The following TUSC3 variants were observed in gnomAD, a reference collection of about 807,000 sequenced individuals.
The protein encoded by TUSC3 is tumor suppressor candidate 3, also known as dolichyl-diphosphooligosaccharide--protein glycosyltransferase subunit TUSC3.
Under a neutral mutation model 44.8 loss-of-function variants are expected in TUSC3, and 45 were observed. The ratio of observed to expected loss-of-function variants is 1.00; its 90% CI spans 0.79 to 1.29. The LOEUF (loss-of-function observed/expected upper bound fraction) is 1.29, where lower values mean the gene tolerates loss of function less well. Among genes scored for constraint, TUSC3 ranks in the 50% most tolerant of loss-of-function variants. TUSC3 has a pLI of 0.00. For missense variants in TUSC3, 519 were observed against 437.9 expected, an observed-to-expected ratio of 1.19 and a Z score of -1.65; for synonymous variants, 212 against 152.9, an observed-to-expected ratio of 1.39 and a Z score of -2.85.
At chr8:15,756,481 T>A (rs1811933360) in intron 9 of TUSC3, among the ~76,000 whole-genome samples, 1 of 152,196 alleles carries the variant, frequency 6.6e-6, no homozygotes, top group South Asian at 2.1e-4. Flanking sequence ...TAGTACTTTG[T>A]CGCATTATGT....
chr8:15,482,042 C>A (rs150067746), intron 1 of TUSC3, among the ~76,000 whole-genome samples: 317 of 152,314 alleles, frequency 2.1e-3, no homozygotes, highest in Non-Finnish European at 3.6e-3. Context: ...TACTTGAAAT[C>A]ATTTGTTGTC....
At chr8:15,538,286 C>T (rs117717305), upstream of TUSC3, among the ~76,000 whole-genome samples, 6,980 of 152,298 alleles carry the variant, frequency 0.046, 220 homozygotes, top group Non-Finnish European at 0.068. Context: ...GCTTTCTGAA[C>T]ACTTCTGGTT....
chr8:15,435,475 A>T (rs28539765), intron 1 of TUSC3, among the ~76,000 whole-genome samples: 9,733 of 152,292 alleles, frequency 0.064, 534 homozygotes, highest in South Asian at 0.14. Context: ...AAAATATTTC[A>T]ATAACATTGA....
rs1053775797 is a variant in TUSC3 at position 15,673,791 on chromosome 8, C to A, written c.753C>A (p.Ile251=). ...AMTSGQMWNH[I]RGPPYAHKNP... ...CTTCTGGCCAGATGTGGAACCATATCCGTGGACCTCCATATGCTCATAAGA... is the reference window on the plus strand; with the variant it reads ...CTTCTGGCCAGATGTGGAACCATATACGTGGACCTCCATATGCTCATAAGA... Residue 251 remains isoleucine, a synonymous_variant, in exon 6 of 11, where the codon ATC becomes ATA. Coordinates refer to ENST00000503731, the MANE Select transcript of TUSC3 (RefSeq NM_006765.4). 6.2e-7 allele frequency: 1 copy of A among 1,612,788 alleles called. No homozygotes were observed.
chr8:15,435,405 A>T (rs1221626970), intron 1 of TUSC3, among the ~76,000 whole-genome samples: 3 of 152,172 alleles, frequency 2.0e-5, no homozygotes, highest in South Asian at 2.1e-4. Context: ...GGGCTTGAAA[A>T]TTTTTTTGAT....
At chr8:15,493,198 G>T (rs1238605354) in intron 2 of TUSC3, among the ~76,000 whole-genome samples, 1 of 152,104 alleles carries the variant, frequency 6.6e-6, no homozygotes, top group African/African-American at 2.4e-5. Context: ...TTCCACCCTG[G>T]TCTCTGATGT....
chr8:15,806,630 T>A, the TUSC3 span: 21 of 1,376,822 alleles, frequency 1.5e-5, no homozygotes, highest in Non-Finnish European at 1.8e-5. Flanking sequence ...TCTTTCAGTG[T>A]CATGGACTTC....
At chr8:15,630,668 T>C (rs1168130775) in intron 2 of TUSC3, among the ~76,000 whole-genome samples, 1 of 152,212 alleles carries the variant, frequency 6.6e-6, no homozygotes, top group Non-Finnish European at 1.5e-5. Context: ...TTCTGTAAAC[T>C]GTAATTGTGT....
chr8:15,513,812 T>A (rs1024469852), intron 2 of TUSC3, among the ~76,000 whole-genome samples: 4 of 152,180 alleles, frequency 2.6e-5, no homozygotes, highest in African/African-American at 7.2e-5. Flanking sequence ...TGCACTTATA[T>A]CTCACCAGAG....
chr8:15,475,070 C>T (rs1456835018), intron 1 of TUSC3, among the ~76,000 whole-genome samples: 1 of 152,030 alleles, frequency 6.6e-6, no homozygotes, highest in Non-Finnish European at 1.5e-5. Flanking sequence ...TTATAGGCGC[C>T]CCCTTTATAC....
intron 6 of TUSC3, among the ~76,000 whole-genome samples, chr8:15,705,879 C>G (rs936149429): frequency 1.3e-5 from 2 of 152,042 alleles, no homozygotes; most frequent in African/African-American, 4.8e-5. Context: ...ACTGTGCCGC[C>G]TTTCCTGCTA....
At chr8:15,835,960 A>T in the TUSC3 span, among the ~76,000 whole-genome samples, 1 of 152,106 alleles carries the variant, frequency 6.6e-6, no homozygotes, top group Non-Finnish European at 1.5e-5. Context: ...TAGTGTATGT[A>T]AGTTCCAAAC....
At chr8:15,438,398 G>A (rs1025998414) in intron 1 of TUSC3, among the ~76,000 whole-genome samples, 3 of 152,142 alleles carry the variant, frequency 2.0e-5, no homozygotes, top group African/African-American at 7.2e-5. Context: ...GCCCAGCCAG[G>A]GGTTGTTGTG....
At chr8:15,654,558 A>C (rs928065624) in intron 3 of TUSC3, among the ~76,000 whole-genome samples, 3 of 152,148 alleles carry the variant, frequency 2.0e-5, no homozygotes, top group African/African-American at 7.2e-5. Flanking sequence ...TCAGTCTTCT[A>C]ATGAACTTAT....
the TUSC3 span, among the ~76,000 whole-genome samples, chr8:15,787,561 CA>C: frequency 2.6e-5 from 4 of 152,212 alleles, no homozygotes; most frequent in African/African-American, 9.6e-5. Flanking sequence ...AGACCAGTAC[CA>C]GTGACTTCTG....
rs561711566 is a variant in TUSC3 at position 15,493,320 on chromosome 8, G to C, written n.189+9837G>C. ...CTGTTGCCCAGGCTAGAGTGCAGTG[G>C]CTCAATCATAGCTCACAGCAGGGTC... is the stretch of plus-strand genomic sequence containing the variant. On this transcript the variant is annotated intron_variant and non_coding_transcript_variant, in intron 2 of 5. Coordinates refer to the TUSC3 transcript ENST00000503191. Among the ~76,000 whole-genome samples the C allele has an allele frequency of 2.0e-5, 3 of 152,182 alleles. No homozygotes were observed. The East Asian group carries it at 5.8e-4, about 29-fold the overall frequency.
the TUSC3 span, among the ~76,000 whole-genome samples, chr8:15,852,042 C>G: frequency 5.9e-5 from 9 of 152,076 alleles, no homozygotes; most frequent in Non-Finnish European, 1.3e-4. Flanking sequence ...TGAGGCCTCC[C>G]CAGCCACGTG....
intron 6 of TUSC3, among the ~76,000 whole-genome samples, chr8:15,688,669 A>G (rs1808750818): frequency 2.0e-5 from 3 of 152,070 alleles, no homozygotes; most frequent in South Asian, 2.1e-4. Context: ...ATAACGCACA[A>G]AAGCACACGT....
chr8:15,745,387 G>C (rs768357137), intron 8 of TUSC3, among the ~76,000 whole-genome samples: 5 of 152,056 alleles, frequency 3.3e-5, no homozygotes, highest in Admixed American at 2.0e-4. Flanking sequence ...TCTCGAAACT[G>C]TTTTCCACAG....
Sources: gnomAD v4.1 joint callset for allele counts (sites outside exome capture counted in the v4.1 genomes callset) on GRCh38, gnomAD v4.1.1 for gene constraint, MANE v1.5 for transcripts, NCBI Gene and HGNC (gene_info 2026-07-23, HGNC 2026-07-21) for gene names.